Variants in IPO11 observed in about 807,000 individuals in gnomAD.
IPO11 encodes the protein importin-11.
IPO11 carries 66 observed loss-of-function variants against 143.2 expected under a neutral mutation model. The ratio of observed to expected loss-of-function variants is 0.46; its 90% confidence interval spans 0.38 to 0.57. IPO11 has a LOEUF of 0.57. Among genes scored for constraint, IPO11 ranks in the 20% least tolerant of loss-of-function variants. The probability of loss-of-function intolerance (pLI) is 0.00; values close to 1 mark genes in which losing one functional copy is unlikely to be tolerated. For missense variants in IPO11, 1,026 were observed against 1,141.0 expected, an observed-to-expected ratio of 0.90 and a Z score of 1.45; for synonymous variants, 385 against 377.8, an observed-to-expected ratio of 1.02 and a Z score of -0.22.
At chr5:62,438,584 C>T (rs1394042342) in intron 2 of IPO11, among the ~76,000 whole-genome samples, 2 of 151,750 alleles carry the variant, frequency 1.3e-5, no homozygotes, top group African/African-American at 2.4e-5. Context: ...GAAACCCCAT[C>T]TCTACTGAAA....
intron 1 of IPO11, among the ~76,000 whole-genome samples, chr5:62,429,268 T>C (rs910645658): frequency 6.6e-6 from 1 of 152,228 alleles, no homozygotes; most frequent in African/African-American, 2.4e-5. Context: ...TCATGCAGCT[T>C]GTGGTTTTAT....
chr5:62,619,814 G>A, intron 29 of IPO11, among the ~76,000 whole-genome samples: 1 of 151,366 alleles, frequency 6.6e-6, no homozygotes, highest in East Asian at 1.9e-4. Context: ...AGCCGAGATT[G>A]CGCCACTGCA....
Position 62,476,987 on chromosome 5 carries a change from C to A in IPO11, c.828+234C>A, listed in dbSNP as rs182026366. On this transcript the variant is annotated intron_variant, in intron 9 of 29. Transcript: ENST00000325324. ...CACCTTGGTACATGAAAAATAAATTCTAATAAATATTAGAGTATTTGATTC... is the reference window on the plus strand; with the variant it reads ...CACCTTGGTACATGAAAAATAAATTATAATAAATATTAGAGTATTTGATTC... 2.0e-3 allele frequency among the ~76,000 whole-genome samples: 303 copies of A among 152,164 alleles called. 2 individuals are homozygous for A. Among genetic ancestry groups the A allele is most frequent in the African/African-American group, 7.1e-3 (296 of 41,518 alleles).
intron 24 of IPO11, among the ~76,000 whole-genome samples, chr5:62,538,744 C>T (rs529637118): frequency 1.3e-5 from 2 of 152,316 alleles, no homozygotes; most frequent in South Asian, 2.1e-4. Context: ...TCTAGATTTG[C>T]GTAAGCACAG....
chr5:62,467,273 A>ATT lies in IPO11; in HGVS notation c.649+10_649+11insTT. ...CTGCTATCATTGAAAGGTACTATTA[A>ATT]GCTTGATATGTTCATTTTTGAAATG... is the stretch of plus-strand genomic sequence containing the variant. On this transcript the variant is annotated intron_variant, in intron 6 of 29. Transcript: ENST00000325324. 1 of 1,605,076 alleles carries ATT rather than the reference A, an allele frequency of 6.2e-7. No individual in the cohort carries two copies. The highest frequency in any genetic ancestry group is 8.5e-7 in the Non-Finnish European group (1 of 1,176,796).
intron 29 of IPO11, among the ~76,000 whole-genome samples, chr5:62,602,379 C>T (rs894639626): frequency 5.9e-5 from 9 of 152,046 alleles, no homozygotes; most frequent in East Asian, 1.9e-4. Context: ...TATATATAAT[C>T]GTGAATGTTT....
intron 3 of IPO11, among the ~76,000 whole-genome samples, chr5:62,447,245 A>G (rs1744751652): frequency 6.6e-6 from 1 of 151,926 alleles, no homozygotes; most frequent in African/African-American, 2.4e-5. Flanking sequence ...AGCTGTGACT[A>G]CATGTGTGTG....
At chr5:62,598,530 TCTTTCTTTTCTTTCTTTTCTTTC>T (rs1561380950) in intron 28 of IPO11, among the ~76,000 whole-genome samples, 1,360 of 16,560 alleles carry the variant, frequency 0.082, 278 homozygotes, top group African/African-American at 0.36. Context: ...TTCTTTCTTT[TCTTTCTTTTCTTTCTTTTCTTTC>T]TTTTTTTTTT....
At position 62,450,725 on chromosome 5, in the gene IPO11, A is replaced by G. The variant is rs188762723; in HGVS notation, c.312+726A>G. The stretch of plus-strand genomic sequence containing the variant: ...TTTTTCTATTGGTTGCATCCATCAC[A>G]TTTTCAATTCCTACTATTCTGTGGC... On this transcript the variant is annotated intron_variant, in intron 4 of 29. Transcript: ENST00000325324. Among the ~76,000 whole-genome samples the G allele has an allele frequency of 2.0e-3, 301 of 150,594 alleles. 2 individuals are homozygous for G. The highest frequency in any genetic ancestry group is 7.1e-3 in the African/African-American group (294 of 41,182).
intron 1 of IPO11, among the ~76,000 whole-genome samples, chr5:62,427,048 C>T (rs1445123995): frequency 6.7e-6 from 1 of 148,578 alleles, no homozygotes; most frequent in Non-Finnish European, 1.5e-5. Flanking sequence ...AGCGATTCTC[C>T]TGCCTTAGCC....
At chr5:62,474,561 A>T in intron 8 of IPO11, 97 bp downstream of exon 8, 1 of 839,754 alleles carries the variant, frequency 1.2e-6, no homozygotes, top group South Asian at 1.6e-5. Context: ...GGATTAATAG[A>T]TGCTTATTCA....
At chr5:62,601,917 T>C in intron 29 of IPO11, 69 bp downstream of exon 29, 2 of 912,252 alleles carry the variant, frequency 2.2e-6, no homozygotes, top group South Asian at 1.9e-5. Flanking sequence ...TTCAGAAATA[T>C]CTATGGTCTA....
At chr5:62,421,394 G>A (rs551838429) in intron 1 of IPO11, among the ~76,000 whole-genome samples, 1 of 152,300 alleles carries the variant, frequency 6.6e-6, no homozygotes, top group African/African-American at 2.4e-5. Flanking sequence ...AGGCAGATAG[G>A]CTGTGAACTT....
chr5:62,476,859 A>T, intron 9 of IPO11, 106 bp downstream of exon 9: 1 of 1,214,072 alleles, frequency 8.2e-7, no homozygotes, highest in Non-Finnish European at 1.1e-6. Context: ...GTGTAAGGAA[A>T]CCTATGTTCT....
At position 62,598,379 on chromosome 5, in the gene IPO11, G is replaced by GCTTTCTTTCTTTCTTTCTTT. The variant is rs1561380281; in HGVS notation, c.2679-3382_2679-3381insTCTTTCTTTCTTTCTTTCTT. Among the ~76,000 whole-genome samples the GCTTTCTTTCTTTCTTTCTTT allele has an allele frequency of 6.2e-5, 3 of 48,576 alleles. 1 individual carries two copies. Among genetic ancestry groups the GCTTTCTTTCTTTCTTTCTTT allele is most frequent in the Admixed American group, 4.3e-4 (2 of 4,600 alleles). 31.9% of individuals were successfully genotyped at this position (48,576 alleles called of 152,430 possible). Reference sequence around the variant, plus strand: ...ATGTGAAACGACCCATAAATTGTTTGCTTGCTTGCTTGCTTTCTTTCTTTC... The same window carrying GCTTTCTTTCTTTCTTTCTTT: ...ATGTGAAACGACCCATAAATTGTTTGCTTTCTTTCTTTCTTTCTTTCTTGCTTGCTTGCTTTCTTTCTTTC... On this transcript the variant is annotated intron_variant, in intron 28 of 29. Transcript: ENST00000325324.
At chr5:62,582,163 C>G (rs1291849432) in intron 27 of IPO11, among the ~76,000 whole-genome samples, 1 of 152,154 alleles carries the variant, frequency 6.6e-6, no homozygotes, top group Non-Finnish European at 1.5e-5. Flanking sequence ...TAGATTTACC[C>G]TTTAGAAATT....
chr5:62,591,273 CTA>C (rs1292838215), intron 27 of IPO11, among the ~76,000 whole-genome samples: 1 of 152,008 alleles, frequency 6.6e-6, no homozygotes, highest in East Asian at 1.9e-4. Context: ...TGTCAATACT[CTA>C]TGTCTTTATC....
intron 26 of IPO11, among the ~76,000 whole-genome samples, chr5:62,552,004 G>A (rs1380190498): frequency 6.6e-6 from 1 of 152,204 alleles, no homozygotes; most frequent in African/African-American, 2.4e-5. Context: ...GGCACCTGTA[G>A]TCCCAGCTAC....
At chr5:62,468,736 G>A (rs1174706562) in intron 6 of IPO11, among the ~76,000 whole-genome samples, 3 of 152,074 alleles carry the variant, frequency 2.0e-5, no homozygotes, top group Non-Finnish European at 4.4e-5. Context: ...CTATATCTTT[G>A]CCTGCCTTAA....
Sources: gnomAD v4.1 joint callset for allele counts (sites outside exome capture counted in the v4.1 genomes callset) on GRCh38, gnomAD v4.1.1 for gene constraint, MANE v1.5 for transcripts, NCBI Gene and HGNC (gene_info 2026-07-23, HGNC 2026-07-21) for gene names.